Variants in CLNK observed in about 807,000 individuals in gnomAD.
The protein encoded by CLNK is cytokine-dependent hematopoietic cell linker.
In CLNK, 74 loss-of-function variants were observed where a neutral mutation model predicts 68.6. The observed-to-expected ratio is 1.08, with a 90% CI of 0.89 to 1.31. The LOEUF is 1.31. Ranked by LOEUF, CLNK falls within the 50% of genes most tolerant of loss-of-function variation. The pLI is 0.00. For missense variants in CLNK, 553 were observed against 515.3 expected (o/e 1.07, Z -0.71); for synonymous variants, 198 against 172.2 (o/e 1.15, Z -1.17).
intron 16 of CLNK, 67 bp from the exon 17 acceptor site, chr4:10,508,103 TTCAA>T: frequency 1.6e-6 from 2 of 1,288,238 alleles, no homozygotes; most frequent in Non-Finnish European, 2.2e-6. Flanking sequence ...GATTAATTAA[TTCAA>T]AATTTACTTT....
chr4:10,510,209 G>A (rs192830087), intron 16 of CLNK, among the ~76,000 whole-genome samples: 1 of 152,272 alleles, frequency 6.6e-6, no homozygotes, highest in African/African-American at 2.4e-5. Context: ...ACTGAACTAC[G>A]TATCTCAGAA....
intron 2 of CLNK, among the ~76,000 whole-genome samples, chr4:10,664,529 G>C (rs6844397): frequency 0.021 from 3,183 of 148,556 alleles, 129 homozygotes; most frequent in African/African-American, 0.073. Context: ...GACTGCTGTG[G>C]ATAAGTTCTC....
chr4:10,705,351 C>A, the CLNK span, among the ~76,000 whole-genome samples: 4 of 152,190 alleles, frequency 2.6e-5, no homozygotes, highest in East Asian at 1.9e-4. Flanking sequence ...GCTGCTATAA[C>A]AAATTGCCAA....
chr4:10,632,478 T>C (rs2108869718), intron 2 of CLNK, among the ~76,000 whole-genome samples: 1 of 152,390 alleles, frequency 6.6e-6, no homozygotes, highest in Admixed American at 6.5e-5. Flanking sequence ...CAACTTTCAT[T>C]TAACATCTAC....
the CLNK span, among the ~76,000 whole-genome samples, chr4:10,726,773 T>C: frequency 2.6e-5 from 4 of 152,162 alleles, no homozygotes; most frequent in Non-Finnish European, 5.9e-5. Context: ...CCTCCACCCA[T>C]GATAAACCAC....
intron 2 of CLNK, among the ~76,000 whole-genome samples, chr4:10,624,517 C>A (rs1371030534): frequency 6.6e-6 from 1 of 151,732 alleles, no homozygotes; most frequent in African/African-American, 2.4e-5. Flanking sequence ...TGGTCTCGAT[C>A]TCCTGACCTC....
At chr4:10,694,099 G>A in the CLNK span, among the ~76,000 whole-genome samples, 339 of 151,940 alleles carry the variant, frequency 2.2e-3, 2 homozygotes, top group African/African-American at 7.8e-3. Context: ...CCATTCCTAG[G>A]CCCTGTCCCT....
chr4:10,706,994 C>A, the CLNK span, among the ~76,000 whole-genome samples: 1 of 151,582 alleles, frequency 6.6e-6, no homozygotes, highest in Non-Finnish European at 1.5e-5. Context: ...GTTGGCCAGG[C>A]TGTTCTTGAA....
At chr4:10,645,908 T>A (rs1462299477) in intron 2 of CLNK, among the ~76,000 whole-genome samples, 1 of 152,198 alleles carries the variant, frequency 6.6e-6, no homozygotes, top group Non-Finnish European at 1.5e-5. Context: ...GATTTTTTAA[T>A]GGGCTTGTGA....
intron 12 of CLNK, 62 bp downstream of exon 12, chr4:10,532,194 T>C: frequency 5.7e-6 from 7 of 1,217,614 alleles, no homozygotes; most frequent in Non-Finnish European, 8.5e-6. Context: ...ATCTTGCCTA[T>C]TGCAGACATT....
At chr4:10,534,193 C>T (rs76500724) in intron 11 of CLNK, among the ~76,000 whole-genome samples, 4,017 of 152,124 alleles carry the variant, frequency 0.026, 179 homozygotes, top group African/African-American at 0.091. Flanking sequence ...CAGGAAAGCT[C>T]GGGTTTGGAA....
intron 8 of CLNK, among the ~76,000 whole-genome samples, chr4:10,546,765 G>C (rs1263359383): frequency 6.6e-6 from 1 of 151,446 alleles, no homozygotes; most frequent in Non-Finnish European, 1.5e-5. Context: ...TTTTTTTGTT[G>C]CTTAAGACAG....
At chr4:10,646,479 AGAC>A in intron 2 of CLNK, among the ~76,000 whole-genome samples, 1 of 152,358 alleles carries the variant, frequency 6.6e-6, no homozygotes, top group South Asian at 2.1e-4. Flanking sequence ...CGGGTTTCCA[AGAC>A]ATATTATCAG....
At chr4:10,606,459 G>A (rs1243432532) in intron 2 of CLNK, among the ~76,000 whole-genome samples, 1 of 151,756 alleles carries the variant, frequency 6.6e-6, no homozygotes, top group African/African-American at 2.4e-5. Flanking sequence ...AGTAAAAGGA[G>A]CACACTCTAA....
the CLNK span, among the ~76,000 whole-genome samples, chr4:10,725,328 G>A: frequency 5.3e-5 from 8 of 152,168 alleles, no homozygotes; most frequent in Non-Finnish European, 1.0e-4. Context: ...TTTGTTATGT[G>A]TACCAGATGG....
chr4:10,692,514 G>A, the CLNK span, among the ~76,000 whole-genome samples: 6 of 152,274 alleles, frequency 3.9e-5, no homozygotes, highest in African/African-American at 9.6e-5. Context: ...CTCCCTAATG[G>A]TCAGATCCAC....
chr4:10,690,086 G>A, the CLNK span, among the ~76,000 whole-genome samples: 2 of 152,276 alleles, frequency 1.3e-5, no homozygotes, highest in African/African-American at 4.8e-5. Context: ...TATGGCATGA[G>A]TTAGACAATT....
chr4:10,598,780 T>C, intron 2 of CLNK: 1 of 364,514 alleles, frequency 2.7e-6, no homozygotes, highest in Non-Finnish European at 5.6e-6. Flanking sequence ...AGGCATTTCA[T>C]TAGCTCTATC....
chr4:10,524,083 G>A (rs6813592), intron 14 of CLNK: 2,635 of 141,830 alleles, frequency 0.019, 89 homozygotes, highest in African/African-American at 0.092. Context: ...AGAAAGAAAA[G>A]AGAAGAGGAG....
Sources: gnomAD v4.1 joint callset for allele counts (sites outside exome capture counted in the v4.1 genomes callset) on GRCh38, gnomAD v4.1.1 for gene constraint, MANE v1.5 for transcripts, NCBI Gene and HGNC (gene_info 2026-07-23, HGNC 2026-07-21) for gene names.